The following ASCC3 variants were observed in gnomAD, a reference collection of about 807,000 sequenced individuals.
ASCC3 encodes ASC-1 complex subunit P200.
ASCC3 carries 158 observed loss-of-function variants against 256.3 expected under a neutral mutation model. That is an observed-to-expected ratio of 0.62 (90% CI 0.54 to 0.70). The LOEUF (loss-of-function observed/expected upper bound fraction) is 0.70. ASCC3 is among the 30% of genes least tolerant of loss of function. The probability of loss-of-function intolerance (pLI) is 0.00; values close to 1 mark genes in which losing one functional copy is unlikely to be tolerated. For synonymous variants in ASCC3, 948 were observed against 883.4 expected (o/e 1.07, Z -1.30); for missense variants, 2,259 against 2,626.0 (o/e 0.86, Z 3.05).
intron 10 of ASCC3, among the ~76,000 whole-genome samples, chr6:100,727,320 C>T (rs1021593199): frequency 2.6e-5 from 4 of 151,896 alleles, no homozygotes; most frequent in East Asian, 1.9e-4. Context: ...GAATGAAGAA[C>T]GTCACGCCCA....
At chr6:100,628,891 C>T (rs240148) in intron 27 of ASCC3, 124 bp downstream of exon 27, 488,312 of 880,980 alleles carry the variant, frequency 0.55, 137,750 homozygotes, top group East Asian at 0.74. Flanking sequence ...TATATACATA[C>T]ATCAAAAAAT....
chr6:100,856,521 A>G, intron 3 of ASCC3: 1 of 697,270 alleles, frequency 1.4e-6, no homozygotes, highest in Non-Finnish European at 1.8e-6. Flanking sequence ...TACAGTACAC[A>G]TACAGTTCAA....
chr6:100,608,136 GTATATATATC>G (rs1190418571), intron 30 of ASCC3, among the ~76,000 whole-genome samples: 2 of 115,808 alleles, frequency 1.7e-5, no homozygotes, highest in Admixed American at 9.9e-5. Context: ...ACATATATAT[GTATATATATC>G]TATATATACA....
At chr6:100,667,699 T>C (rs1258857848) in intron 14 of ASCC3, among the ~76,000 whole-genome samples, 1 of 152,100 alleles carries the variant, frequency 6.6e-6, no homozygotes, top group African/African-American at 2.4e-5. Context: ...AATCCTTATC[T>C]TGGTGCACTG....
intron 10 of ASCC3, among the ~76,000 whole-genome samples, chr6:100,759,989 T>G (rs117460333): frequency 0.018 from 2,695 of 152,286 alleles, 50 homozygotes; most frequent in South Asian, 0.03. Flanking sequence ...TTGTGATCTT[T>G]GCACACTAAT....
intron 14 of ASCC3, among the ~76,000 whole-genome samples, chr6:100,674,431 A>G (rs1776904362): frequency 6.6e-6 from 1 of 151,950 alleles, no homozygotes; most frequent in Non-Finnish European, 1.5e-5. Flanking sequence ...GCTGTTCCTA[A>G]TATTTCTTCC....
At chr6:100,600,666 G>T (rs557780772) in intron 34 of ASCC3, among the ~76,000 whole-genome samples, 72 of 152,092 alleles carry the variant, frequency 4.7e-4, no homozygotes, top group African/African-American at 1.7e-3. Flanking sequence ...CTTTACAATG[G>T]TTTAATATTT....
At chr6:100,877,946 G>C (rs925800558) in intron 1 of ASCC3, among the ~76,000 whole-genome samples, 2 of 152,174 alleles carry the variant, frequency 1.3e-5, no homozygotes, top group Non-Finnish European at 2.9e-5. Context: ...TTCACTGGGA[G>C]TTCATCTAAA....
chr6:100,710,483 C>T (rs1051601972), intron 13 of ASCC3, among the ~76,000 whole-genome samples: 2 of 152,140 alleles, frequency 1.3e-5, no homozygotes, highest in African/African-American at 4.8e-5. Context: ...TAAGAGCCTG[C>T]CCTCCTCAGT....
intron 25 of ASCC3, among the ~76,000 whole-genome samples, chr6:100,633,309 A>G (rs988985865): frequency 3.9e-5 from 6 of 152,116 alleles, no homozygotes; most frequent in Admixed American, 2.6e-4. Context: ...GTCACTTAGT[A>G]ACTGTCTTGT....
At chr6:100,793,056 A>G (rs1769429293) in intron 8 of ASCC3, among the ~76,000 whole-genome samples, 1 of 151,966 alleles carries the variant, frequency 6.6e-6, no homozygotes, top group East Asian at 1.9e-4. Context: ...ATGCTATCCT[A>G]CAAGATCTGA....
At chr6:100,879,659 C>CT (rs71547418) in intron 1 of ASCC3, among the ~76,000 whole-genome samples, 52,473 of 151,874 alleles carry the variant, frequency 0.35, 10,693 homozygotes, top group Middle Eastern at 0.48. Context: ...AAAGAAAAAG[C>CT]TTTTTATTTA....
intron 36 of ASCC3, among the ~76,000 whole-genome samples, chr6:100,584,166 T>C (rs1226477278): frequency 6.6e-6 from 1 of 151,494 alleles, no homozygotes; most frequent in Non-Finnish European, 1.5e-5. Flanking sequence ...CTCGTTGATC[T>C]GTCTAATGTT....
Position 100,811,289 on chromosome 6 carries a change from G to A in ASCC3, c.802-5409C>T, listed in dbSNP as rs181374091. On this transcript the variant is annotated intron_variant, in intron 4 of 41. Transcript: ENST00000369162. Reference sequence around the variant, plus strand: ...CATTAAAGTGCTAAATTATAGCTCCGATAAGATCAAATATAGAAAAAAAAC... The same window carrying A: ...CATTAAAGTGCTAAATTATAGCTCCAATAAGATCAAATATAGAAAAAAAAC... 1.4e-3 allele frequency among the ~76,000 whole-genome samples: 213 copies of A among 151,890 alleles called. 5 individuals carry two copies. The East Asian group carries it at 0.037, about 26-fold the overall frequency.
chr6:100,679,859 T>C, intron 13 of ASCC3, 107 bp from the exon 14 acceptor site: 2 of 1,262,814 alleles, frequency 1.6e-6, no homozygotes, highest in Non-Finnish European at 2.3e-6. Context: ...TCTCAAAACA[T>C]AATCACAAAT....
chr6:100,579,175 T>G (rs1177562644), intron 36 of ASCC3, among the ~76,000 whole-genome samples: 3 of 148,802 alleles, frequency 2.0e-5, no homozygotes, highest in Admixed American at 6.7e-5. Context: ...CACTTTTTAA[T>G]GGGGTTGTTT....
chr6:100,820,055 C>T (rs1411380014), intron 4 of ASCC3, among the ~76,000 whole-genome samples: 1 of 152,118 alleles, frequency 6.6e-6, no homozygotes, highest in Non-Finnish European at 1.5e-5. Context: ...AAGACTACTG[C>T]TAGGATCATA....
At chr6:100,746,153 T>A (rs1780660584) in intron 10 of ASCC3, among the ~76,000 whole-genome samples, 2 of 49,704 alleles carry the variant, frequency 4.0e-5, no homozygotes, top group Non-Finnish European at 1.1e-4. Flanking sequence ...CAGAACAATT[T>A]TTAAAATAAA....
At chr6:100,816,836 G>A (rs548179148) in intron 4 of ASCC3, among the ~76,000 whole-genome samples, 20 of 151,672 alleles carry the variant, frequency 1.3e-4, no homozygotes, top group Admixed American at 3.9e-4. Context: ...GAAATAATCC[G>A]TACAACAAAC....
Sources: allele counts gnomAD v4.1 joint callset (sites outside exome capture counted in the v4.1 genomes callset), GRCh38; gene constraint gnomAD v4.1.1; transcripts MANE v1.5; gene names NCBI Gene and HGNC (gene_info 2026-07-23, HGNC 2026-07-21).